Variants in HBS1L observed in about 807,000 individuals in gnomAD.
HBS1L encodes the protein HBS1-like protein.
A neutral mutation model predicts 88.9 loss-of-function variants in HBS1L; 55 were observed. The ratio of observed to expected loss-of-function variants is 0.62; its 90% CI spans 0.50 to 0.77. The LOEUF (loss-of-function observed/expected upper bound fraction) is 0.77. Among genes scored for constraint, HBS1L ranks in the 30% least tolerant of loss-of-function variants. HBS1L has a pLI of 0.00. For missense variants in HBS1L, 741 were observed against 829.3 expected (o/e 0.89, Z 1.31); for synonymous variants, 267 against 288.5 (o/e 0.93, Z 0.76).
intron 4 of HBS1L, among the ~76,000 whole-genome samples, chr6:135,030,989 T>C (rs1425248087): frequency 6.6e-6 from 1 of 152,122 alleles, no homozygotes; most frequent in Non-Finnish European, 1.5e-5. Context: ...TGTAAACAAA[T>C]GTCCTTTTCA....
chr6:134,993,529 G>T (rs1775204460), intron 8 of HBS1L, among the ~76,000 whole-genome samples: 1 of 152,040 alleles, frequency 6.6e-6, no homozygotes, highest in Admixed American at 6.6e-5. Context: ...GAAACTCATA[G>T]CTTTTATACA....
chr6:135,047,402 C>A (rs1776946381), intron 2 of HBS1L, among the ~76,000 whole-genome samples: 1 of 152,194 alleles, frequency 6.6e-6, no homozygotes, highest in Admixed American at 6.5e-5. Flanking sequence ...GACCTCAACT[C>A]CTGTAAATTT....
At chr6:134,992,260 A>G (rs1775161566) in intron 8 of HBS1L, among the ~76,000 whole-genome samples, 1 of 152,172 alleles carries the variant, frequency 6.6e-6, no homozygotes, top group African/African-American at 2.4e-5. Flanking sequence ...ACGGTGATGC[A>G]CAGCATAATG....
chr6:134,976,748 AG>A (rs1259115505), intron 15 of HBS1L, among the ~76,000 whole-genome samples: 1 of 152,034 alleles, frequency 6.6e-6, no homozygotes, highest in East Asian at 1.9e-4. Flanking sequence ...CTGGAGACTC[AG>A]TAGCGGGTAG....
At chr6:135,045,924 T>C (rs1489197270) in intron 2 of HBS1L, among the ~76,000 whole-genome samples, 2 of 152,206 alleles carry the variant, frequency 1.3e-5, no homozygotes, top group East Asian at 3.8e-4. Flanking sequence ...CCCTTTATTC[T>C]GGCCCACCTA....
rs995195036 is a variant in HBS1L, at chr6:134,996,792, C to T, written c.950G>A (p.Gly317Asp). ...TAGTGACTACCTTTCCCTTTCTTCG[C>T]CAGTTTCATCCAAGACCCATGCATA... The part of the protein sequence containing the change: ...FAYAWVLDET[G>D]EERERGVTMD... Residue 317 changes from glycine (G) to aspartate (D), a missense_variant, in exon 7 of 18, where the codon GGC (glycine) becomes GAC (aspartate). By Grantham distance (94) the Gly-to-Asp change is moderately conservative. This residue lies in a region of HBS1L where 556 missense variants were observed against 598.4 expected (regional missense o/e 0.93). Transcript: ENST00000367837. 1.9e-6 allele frequency: 3 copies of T among 1,591,928 alleles called. No homozygotes were observed. Among genetic ancestry groups the T allele is most frequent in the Non-Finnish European group, 2.6e-6 (3 of 1,172,130 alleles).
chr6:135,053,208 A>G (rs111326018), intron 1 of HBS1L, among the ~76,000 whole-genome samples: 1 of 152,232 alleles, frequency 6.6e-6, no homozygotes, highest in African/African-American at 2.4e-5. Context: ...AATTCCCCCC[A>G]ATCCATTCTG....
At chr6:134,989,645 T>C (rs1179372245) in intron 8 of HBS1L, among the ~76,000 whole-genome samples, 2 of 152,228 alleles carry the variant, frequency 1.3e-5, no homozygotes, top group East Asian at 3.8e-4. Context: ...ACGATTTAAA[T>C]TGAAGTACTA....
At chr6:135,022,692 T>C (rs1776106941) in intron 4 of HBS1L, among the ~76,000 whole-genome samples, 1 of 152,106 alleles carries the variant, frequency 6.6e-6, no homozygotes, top group South Asian at 2.1e-4. Flanking sequence ...ATATTTTCAT[T>C]GAAAATTATA....
chr6:135,050,505 A>G, intron 2 of HBS1L, 77 bp downstream of exon 2: 1 of 849,698 alleles, frequency 1.2e-6, no homozygotes, highest in Admixed American at 2.4e-5. Flanking sequence ...CTCACAGAAC[A>G]CTCCAGTCCT....
Position 135,054,702 on chromosome 6 carries a change from A to G in HBS1L, c.-11T>C, listed in dbSNP as rs377490659. 1.4e-5 allele frequency: 23 copies of G among 1,614,044 alleles called. No homozygotes were observed. The African/African-American group carries it at 2.8e-4, about 20-fold the overall frequency. ...CCGATGCCGGGCCATGACGGCGGAG[A>G]GGGCGTTTGCCACAGCCCCTTAACT... On this transcript the variant is annotated 5_prime_UTR_variant, in exon 1 of 18. Coordinates refer to ENST00000367837, the MANE Select transcript of HBS1L (RefSeq NM_006620.4).
intron 15 of HBS1L, among the ~76,000 whole-genome samples, chr6:134,971,930 T>C (rs755903744): frequency 5.3e-5 from 8 of 152,164 alleles, no homozygotes; most frequent in Non-Finnish European, 1.0e-4. Context: ...TTTTCTTAAG[T>C]CTGTAACAAG....
chr6:135,027,626 G>A (rs1423373615), intron 4 of HBS1L, among the ~76,000 whole-genome samples: 1 of 152,218 alleles, frequency 6.6e-6, no homozygotes, highest in East Asian at 1.9e-4. Context: ...CAAAGGATGA[G>A]GCTAGATTCC....
chr6:134,970,728 G>A (rs1583056755), intron 15 of HBS1L, among the ~76,000 whole-genome samples: 1 of 152,110 alleles, frequency 6.6e-6, no homozygotes, highest in Non-Finnish European at 1.5e-5. Flanking sequence ...AGTTTACAAG[G>A]AGGCCTATAG....
intron 4 of HBS1L, among the ~76,000 whole-genome samples, chr6:135,020,714 C>T (rs1205830595): frequency 1.3e-5 from 2 of 151,820 alleles, no homozygotes; most frequent in African/African-American, 4.8e-5. Context: ...CTTAAAAATG[C>T]CCATCCCTTT....
intron 2 of HBS1L, among the ~76,000 whole-genome samples, chr6:135,043,295 G>A (rs536928926): frequency 5.9e-5 from 9 of 152,234 alleles, no homozygotes; most frequent in African/African-American, 1.7e-4. Context: ...TATTCAAAAG[G>A]CAAGGTATTA....
intron 4 of HBS1L, among the ~76,000 whole-genome samples, chr6:135,028,253 T>A (rs1227559262): frequency 7.6e-6 from 1 of 131,712 alleles, no homozygotes; most frequent in East Asian, 2.1e-4. Context: ...AAAAAACAAA[T>A]TGCAAGGTAA....
chr6:135,037,256 A>T (rs746284592), intron 4 of HBS1L: 53 of 1,551,988 alleles, frequency 3.4e-5, no homozygotes, highest in Non-Finnish European at 4.5e-5. Flanking sequence ...CTGGCAGATG[A>T]CTGGTTACAA....
rs1192961705 is a variant in HBS1L at position 134,993,759 on chromosome 6, T to G, written c.1082A>C (p.Gln361Pro). The G allele has an allele frequency of 1.3e-6, 2 of 1,493,742 alleles. No individual in the cohort carries two copies. Among genetic ancestry groups the G allele is most frequent in the Non-Finnish European group, 1.8e-6 (2 of 1,087,082 alleles). 92.5% of individuals were successfully genotyped at this position (1,493,742 alleles called of 1,614,324 possible). A position where few individuals can be genotyped will look rare whatever the true frequency, so the allele number is the denominator to read the frequency against. The change falls in exon 8 of 18, where the codon CAG becomes CCG. Residue 361 changes from glutamine to proline, a missense_variant and splice_region_variant. Coordinates refer to ENST00000367837, the MANE Select transcript of HBS1L (RefSeq NM_006620.4). ...FIPNMITGAAQADVAVLVVDA... is the reference protein window; with the variant it reads ...FIPNMITGAAPADVAVLVVDA... ...TATAGTGAAGAAAACAGCAGTTACCTGGGCTGCTCCTGTAATCATATTTGG... is the reference window on the plus strand; with the variant it reads ...TATAGTGAAGAAAACAGCAGTTACCGGGGCTGCTCCTGTAATCATATTTGG...
Sources: gnomAD v4.1 joint callset for allele counts (sites outside exome capture counted in the v4.1 genomes callset) on GRCh38, gnomAD v4.1.1 for gene constraint, gnomAD v4.1.1 regional missense constraint, MANE v1.5 for transcripts, NCBI Gene and HGNC (gene_info 2026-07-23, HGNC 2026-07-21) for gene names.